The following LDLRAD4 variants were observed in gnomAD, a reference collection of about 807,000 sequenced individuals.
The protein encoded by LDLRAD4 is low density lipoprotein receptor class A domain containing 4, also known as low-density lipoprotein receptor class A domain-containing protein 4.
In LDLRAD4, 5 loss-of-function variants were observed where a neutral mutation model predicts 17.0. That is an observed-to-expected ratio of 0.29 (90% CI 0.15 to 0.62). The LOEUF is 0.62. Ranked by LOEUF, LDLRAD4 falls within the 20% of genes least tolerant of loss-of-function variation. The pLI is 0.84. For synonymous variants in LDLRAD4, 168 were observed against 171.8 expected (o/e 0.98, Z 0.17); for missense variants, 340 against 424.7 (o/e 0.80, Z 1.75).
At chr18:13,623,912 G>A (rs1338678260) in intron 4 of LDLRAD4, among the ~76,000 whole-genome samples, 1 of 152,144 alleles carries the variant, frequency 6.6e-6, no homozygotes, top group Non-Finnish European at 1.5e-5. Context: ...ACAGTATTAG[G>A]GGAGCGATCT....
chr18:13,458,706 C>G (rs1370180197), intron 3 of LDLRAD4, among the ~76,000 whole-genome samples: 1 of 152,204 alleles, frequency 6.6e-6, no homozygotes, highest in Non-Finnish European at 1.5e-5. Flanking sequence ...TATCCTGGAC[C>G]ATCCAGGCAG....
At chr18:13,438,097 G>C (rs946808399) in intron 2 of LDLRAD4, 147 bp from the exon 4 acceptor site, 9 of 716,442 alleles carry the variant, frequency 1.3e-5, no homozygotes, top group Non-Finnish European at 2.2e-5. Flanking sequence ...GCCCTTCTCT[G>C]AGTTTAGTGT....
At chr18:13,515,692 A>C (rs1034128911) in intron 3 of LDLRAD4, 1 of 152,256 alleles carries the variant, frequency 6.6e-6, no homozygotes, top group Non-Finnish European at 1.5e-5. Context: ...AGACAATGAC[A>C]CAAGATTTGG....
chr18:13,322,592 A>G (rs1477504737), intron 1 of LDLRAD4, among the ~76,000 whole-genome samples: 1 of 150,322 alleles, frequency 6.7e-6, no homozygotes, highest in African/African-American at 2.5e-5. Flanking sequence ...GAGCCACTAC[A>G]CCTCGCCTGT....
chr18:13,494,741 C>CATTT (rs2093431384), intron 3 of LDLRAD4, among the ~76,000 whole-genome samples: 12 of 99,186 alleles, frequency 1.2e-4, no homozygotes, highest in African/African-American at 4.4e-4. Context: ...ATAAATGACA[C>CATTT]AGTGGGAATT....
At chr18:13,495,315 A>T (rs758751484) in intron 3 of LDLRAD4, among the ~76,000 whole-genome samples, 1 of 152,186 alleles carries the variant, frequency 6.6e-6, no homozygotes, top group Non-Finnish European at 1.5e-5. Flanking sequence ...CTGAGAAAGG[A>T]ACAGAACCCA....
chr18:13,444,940 A>G (rs1376283577), intron 3 of LDLRAD4, among the ~76,000 whole-genome samples: 2 of 152,214 alleles, frequency 1.3e-5, no homozygotes, highest in Non-Finnish European at 2.9e-5. Context: ...GGAAAAGACT[A>G]CATAAGGCTG....
Position 13,239,818 on chromosome 18 carries a change from C to T in LDLRAD4, c.-467+20830C>T, listed in dbSNP as rs570148608. 29 of 152,426 alleles carry T rather than the reference C, an allele frequency of 1.9e-4. 1 individual carries two copies. Among genetic ancestry groups the T allele is most frequent in the African/African-American group, 6.7e-4 (28 of 41,592 alleles). The allele number at this position is 152,426 out of a possible 1,614,324, so 9.4% of individuals were successfully genotyped here. On this transcript the variant is annotated intron_variant, in intron 1 of 5. Transcript: ENST00000399848. ...CCCGTGGGGTTTGCTCCATGGTGGC[C>T]TGGGCCACGCAGGCTGTACCAGCCA...
At chr18:13,529,482 G>C (rs565777976) in intron 3 of LDLRAD4, among the ~76,000 whole-genome samples, 1 of 152,156 alleles carries the variant, frequency 6.6e-6, no homozygotes, top group Non-Finnish European at 1.5e-5. Flanking sequence ...AGGCTGTCGC[G>C]GTGCAAGACT....
intron 1 of LDLRAD4, among the ~76,000 whole-genome samples, chr18:13,302,331 C>A (rs1224363585): frequency 6.6e-6 from 1 of 152,136 alleles, no homozygotes; most frequent in Non-Finnish European, 1.5e-5. Flanking sequence ...CCAAACCTGG[C>A]GTTTGAAGCT....
chr18:13,362,178 G>A (rs908462296), intron 1 of LDLRAD4: 1 of 152,172 alleles, frequency 6.6e-6, no homozygotes, highest in African/African-American at 2.4e-5. Context: ...TGACTGTTCT[G>A]TTGAAGCTGG....
intron 3 of LDLRAD4, among the ~76,000 whole-genome samples, chr18:13,447,098 GC>G (rs1190578405): frequency 6.6e-6 from 1 of 152,250 alleles, no homozygotes; most frequent in Non-Finnish European, 1.5e-5. Context: ...GTGCAGAGCA[GC>G]CTGTGTGCTT....
intron 1 of LDLRAD4, among the ~76,000 whole-genome samples, chr18:13,377,473 A>G (rs1158307438): frequency 6.6e-6 from 1 of 152,146 alleles, no homozygotes; most frequent in Non-Finnish European, 1.5e-5. Context: ...TGTACAACCC[A>G]TGACTTTCCT....
At chr18:13,233,677 T>C (rs1007622044) in intron 1 of LDLRAD4, among the ~76,000 whole-genome samples, 45 of 152,168 alleles carry the variant, frequency 3.0e-4, no homozygotes, top group African/African-American at 1.1e-3. Flanking sequence ...GAGAGGTTTC[T>C]GAGCCTAGAA....
chr18:13,314,567 AGCTCATGG>A, intron 1 of LDLRAD4, among the ~76,000 whole-genome samples: 1 of 152,210 alleles, frequency 6.6e-6, no homozygotes, highest in East Asian at 1.9e-4. Flanking sequence ...AGAGGAGGGA[AGCTCATGG>A]GCTGAACGCA....
intron 1 of LDLRAD4, among the ~76,000 whole-genome samples, chr18:13,318,974 A>C (rs569968425): frequency 1.3e-5 from 2 of 151,990 alleles, no homozygotes; most frequent in Admixed American, 1.3e-4. Flanking sequence ...AAATGAGGAG[A>C]GCTTAAGAAT....
chr18:13,507,719 T>A (rs2093716988), intron 3 of LDLRAD4, among the ~76,000 whole-genome samples: 1 of 152,234 alleles, frequency 6.6e-6, no homozygotes, highest in African/African-American at 2.4e-5. Flanking sequence ...AACTTAGTGT[T>A]GTGTGTGTTC....
intron 1 of LDLRAD4, among the ~76,000 whole-genome samples, chr18:13,357,145 C>T (rs2144556351): frequency 6.6e-6 from 1 of 152,206 alleles, no homozygotes; most frequent in Non-Finnish European, 1.5e-5. Context: ...AAACAAAAAA[C>T]AAACAAAAAA....
chr18:13,623,464 C>T (rs2040842293), intron 4 of LDLRAD4, among the ~76,000 whole-genome samples: 1 of 152,258 alleles, frequency 6.6e-6, no homozygotes, highest in Non-Finnish European at 1.5e-5. Flanking sequence ...GCTATTTCTC[C>T]TTTTTTTCTG....
Sources: gnomAD v4.1 joint callset for allele counts (sites outside exome capture counted in the v4.1 genomes callset) on GRCh38, gnomAD v4.1.1 for gene constraint, MANE v1.5 for transcripts, NCBI Gene and HGNC (gene_info 2026-07-23, HGNC 2026-07-21) for gene names.